Variants in SLC18A2 observed in about 807,000 individuals in gnomAD.
SLC18A2 encodes the protein synaptic vesicular amine transporter.
SLC18A2 carries 33 observed loss-of-function variants against 59.2 expected under a neutral mutation model. That is an observed-to-expected ratio of 0.56 (90% confidence interval 0.42 to 0.75). The LOEUF (loss-of-function observed/expected upper bound fraction) is 0.75, where lower values mean the gene tolerates loss of function less well. Among genes scored for constraint, SLC18A2 ranks in the 30% least tolerant of loss-of-function variants. SLC18A2 has a pLI of 0.00. For synonymous variants in SLC18A2, 228 were observed against 253.5 expected (o/e 0.90, Z 0.95); for missense variants, 569 against 668.6 (o/e 0.85, Z 1.64).
chr10:117,273,791 G>A (rs944685931), intron 15 of SLC18A2, among the ~76,000 whole-genome samples: 2 of 152,080 alleles, frequency 1.3e-5, no homozygotes, highest in Non-Finnish European at 2.9e-5. Flanking sequence ...ATGCTTTTAT[G>A]GGTTCACTAC....
At chr10:117,261,047 C>T (rs1844288829) in intron 10 of SLC18A2, among the ~76,000 whole-genome samples, 1 of 152,082 alleles carries the variant, frequency 6.6e-6, no homozygotes, top group Non-Finnish European at 1.5e-5. Context: ...CTTAACAGTT[C>T]CAGTTTTTGC....
chr10:117,245,971 A>G (rs1409501826), intron 3 of SLC18A2, among the ~76,000 whole-genome samples: 1 of 152,244 alleles, frequency 6.6e-6, no homozygotes, highest in African/African-American at 2.4e-5. Context: ...TGCTAAGCAA[A>G]TTAACCCAGC....
At chr10:117,241,612 G>C in intron 1 of SLC18A2, 67 bp from the exon 2 acceptor site, 14 of 1,449,384 alleles carry the variant, frequency 9.7e-6, no homozygotes, top group Non-Finnish European at 1.3e-5. Context: ...CCCTTCCGCG[G>C]CCTGGGGGAC....
intron 10 of SLC18A2, 62 bp downstream of exon 10, chr10:117,257,954 C>G: frequency 1.7e-6 from 2 of 1,161,400 alleles, no homozygotes; most frequent in East Asian, 2.4e-5. Context: ...GCCTTTGTCC[C>G]CAGGGCATCC....
chr10:117,253,425 C>T lies in SLC18A2; in HGVS notation c.491C>T (p.Ala164Val), dbSNP rs184073241. Residue 164 changes from alanine to valine, a missense_variant, in exon 4 of 16, where the codon GCG becomes GTG. Physicochemically the swap from Ala to Val is moderately conservative, Grantham distance 64 (BLOSUM62 0). Around this residue, in one of 2 missense-constraint regions of SLC18A2, gnomAD observed 377 missense variants for 389.8 expected, o/e 0.97. Transcript: ENST00000644641. ...NRIGYPIPIFAGFCIMFVSTI... is the reference protein window; with the variant it reads ...NRIGYPIPIFVGFCIMFVSTI... The stretch of plus-strand genomic sequence containing the variant: ...ATTGGCTATCCAATTCCCATATTTG[C>T]GGGATTCTGCATCATGTTTGTCTCA... 213 of 1,613,588 alleles carry T rather than the reference C, an allele frequency of 1.3e-4. 1 individual carries two copies. Among genetic ancestry groups the T allele is most frequent in the East Asian group, 7.1e-4 (32 of 44,862 alleles).
At chr10:117,264,326 CT>C (rs1844325284) in intron 10 of SLC18A2, among the ~76,000 whole-genome samples, 1 of 152,218 alleles carries the variant, frequency 6.6e-6, no homozygotes, top group South Asian at 2.1e-4. Context: ...AGAATTCTTG[CT>C]GAGGCTGGGT....
At chr10:117,270,487 G>T in intron 15 of SLC18A2, 24 bp downstream of exon 15, 1 of 1,610,794 alleles carries the variant, frequency 6.2e-7, no homozygotes, top group Non-Finnish European at 8.5e-7. Context: ...AGGATGCAGT[G>T]AGCATTTCTT....
rs1374616757 is a variant in SLC18A2 at position 117,278,683 on chromosome 10, T to C, written c.*1417T>C. ...TTCGACATCAAGGAGCAAAGAACTT[T>C]AGAACAGACTCCTCAATCTTGTGAC... On this transcript the variant is annotated 3_prime_UTR_variant, in exon 16 of 16. Transcript: ENST00000644641. 6.6e-6 allele frequency: 1 copy of C among 152,242 alleles called. No individual in the cohort carries two copies. Among genetic ancestry groups the C allele is most frequent in the Non-Finnish European group, 1.5e-5 (1 of 68,048 alleles). The allele number at this position is 152,242 out of a possible 1,614,324, so 9.4% of individuals were successfully genotyped here.
At chr10:117,248,038 C>T (rs2283137) in intron 3 of SLC18A2, among the ~76,000 whole-genome samples, 29,838 of 152,090 alleles carry the variant, frequency 0.2, 3,753 homozygotes, top group East Asian at 0.55. Flanking sequence ...GGGGCTATCT[C>T]GGCTCACTGC....
chr10:117,244,069 A>G lies in SLC18A2; in HGVS notation c.220A>G (p.Ser74Gly), dbSNP rs367557198. The G allele has an allele frequency of 2.5e-6, 4 of 1,614,222 alleles. No individual in the cohort carries two copies. The highest frequency in any genetic ancestry group is 8.5e-7 in the Non-Finnish European group (1 of 1,180,038). The change falls in exon 3 of 16, where the codon AGC (serine) becomes GGC (glycine). Residue 74 changes from serine (S) to glycine (G), a missense_variant. Coordinates refer to ENST00000644641, the MANE Select transcript of SLC18A2 (RefSeq NM_003054.6). ...AGTGCACACTGCCTCCATCTCAGAC[A>G]GCTTCCAGAGCATCTTCTCCTATTA... ...RPVHTASISD[S>G]FQSIFSYYDN...
intron 12 of SLC18A2, chr10:117,267,252 T>C (rs1337141992): frequency 5.4e-6 from 3 of 553,926 alleles, no homozygotes; most frequent in Non-Finnish European, 9.4e-6. Flanking sequence ...AAATGTTTTA[T>C]TTCACAGTTT....
chr10:117,249,957 C>T (rs1844143969), intron 3 of SLC18A2, among the ~76,000 whole-genome samples: 1 of 151,988 alleles, frequency 6.6e-6, no homozygotes, highest in African/African-American at 2.4e-5. Flanking sequence ...TTGAGAAGGC[C>T]CTGAATTGAG....
rs1276677749 is a variant in SLC18A2 at position 117,241,712 on chromosome 10, G to C, written c.19G>C (p.Ala7Pro). 1 of 1,602,270 alleles carries C rather than the reference G, an allele frequency of 6.2e-7. No homozygotes were observed. The highest frequency in any genetic ancestry group is 1.1e-5 in the South Asian group (1 of 89,680). Residue 7 changes from alanine (A) to proline (P), a missense_variant, in exon 2 of 16, where the codon GCG (alanine) becomes CCG (proline). Physicochemically the swap from Ala to Pro is conservative, Grantham distance 27. This residue lies in a region of SLC18A2 where 377 missense variants were observed against 389.8 expected (regional missense o/e 0.97). Coordinates refer to ENST00000644641, the MANE Select transcript of SLC18A2 (RefSeq NM_003054.6). MALSEL[A>P]LVRWLQESRR... ...CGGAGCCATGGCCCTGAGCGAGCTG[G>C]CGCTGGTCCGCTGGCTGCAGGAGAG...
intron 13 of SLC18A2, 115 bp downstream of exon 13, chr10:117,267,851 G>A (rs1844366565): frequency 1.4e-6 from 1 of 727,432 alleles, no homozygotes; most frequent in Non-Finnish European, 2.3e-6. Flanking sequence ...CTTAGAAGGA[G>A]GCTGCAGGCA....
At chr10:117,242,047 C>G in intron 2 of SLC18A2, 1 of 418,034 alleles carries the variant, frequency 2.4e-6, no homozygotes, top group Non-Finnish European at 4.3e-6. Context: ...TCCGATAAGA[C>G]CCAGAACTTA....
chr10:117,252,358 C>T (rs1428750192), intron 3 of SLC18A2, among the ~76,000 whole-genome samples: 2 of 151,958 alleles, frequency 1.3e-5, no homozygotes, highest in African/African-American at 4.8e-5. Flanking sequence ...ATGCTTGGCC[C>T]TTCTGCCTTC....
intron 10 of SLC18A2, among the ~76,000 whole-genome samples, chr10:117,264,409 G>A (rs1322459947): frequency 1.3e-5 from 2 of 152,230 alleles, no homozygotes; most frequent in African/African-American, 2.4e-5. Context: ...CCAAGAGGCA[G>A]AGGTTGCACT....
intron 3 of SLC18A2, among the ~76,000 whole-genome samples, chr10:117,245,207 T>C (rs1448112006): frequency 6.6e-6 from 1 of 152,136 alleles, no homozygotes; most frequent in African/African-American, 2.4e-5. Flanking sequence ...AAGTGCGCAG[T>C]GTAGCTACCT....
chr10:117,266,612 T>C (rs1250995443), intron 10 of SLC18A2, 121 bp from the exon 11 acceptor site: 7 of 739,198 alleles, frequency 9.5e-6, no homozygotes, highest in Non-Finnish European at 1.6e-5. Flanking sequence ...GCTGCTGGGG[T>C]GTGGGCCCCG....
Sources: allele counts gnomAD v4.1 joint callset (sites outside exome capture counted in the v4.1 genomes callset), GRCh38; gene constraint gnomAD v4.1.1; regional missense constraint gnomAD v4.1.1; transcripts MANE v1.5; gene names NCBI Gene and HGNC (gene_info 2026-07-23, HGNC 2026-07-21).